Variants in AGAP1 observed in about 807,000 individuals in gnomAD.
AGAP1 encodes the protein ArfGAP with GTPase domain, ankyrin repeat and PH domain 1.
Under a neutral mutation model 105.3 loss-of-function variants are expected in AGAP1, and 29 were observed. The observed-to-expected ratio is 0.28, with a 90% CI of 0.21 to 0.38. The LOEUF is 0.38. AGAP1 is among the 10% of genes least tolerant of loss of function. The pLI is 1.00. For synonymous variants in AGAP1, 509 were observed against 485.9 expected, an observed-to-expected ratio of 1.05 and a Z score of -0.63; for missense variants, 998 against 1,165.1, an observed-to-expected ratio of 0.86 and a Z score of 2.09.
At chr2:236,116,007 G>C (rs1489392353) in intron 16 of AGAP1, among the ~76,000 whole-genome samples, 2 of 152,128 alleles carry the variant, frequency 1.3e-5, no homozygotes, top group Non-Finnish European at 2.9e-5. Flanking sequence ...TTTTCACTAT[G>C]TTGGCCAGGC....
chr2:235,810,688 T>C (rs538946735), intron 9 of AGAP1, among the ~76,000 whole-genome samples: 2 of 152,306 alleles, frequency 1.3e-5, no homozygotes, highest in African/African-American at 2.4e-5. Context: ...GTTGTCTCTT[T>C]CTTCTTTCTC....
intron 6 of AGAP1, among the ~76,000 whole-genome samples, chr2:235,773,216 G>T (rs2696413): frequency 0.24 from 36,218 of 152,072 alleles, 4,922 homozygotes; most frequent in Admixed American, 0.39. Context: ...TTTCCCATTG[G>T]CCATTTGGTG....
In AGAP1 at chr2:235,705,950, G is replaced by T. The variant is rs1264206640; in HGVS notation, c.164-3229G>T. ...GTTGAAAAATCAGCAGTGCATTGATGAATAGAGCTCATTTTAATTCACAGT... is the reference window on the plus strand; with the variant it reads ...GTTGAAAAATCAGCAGTGCATTGATTAATAGAGCTCATTTTAATTCACAGT... On this transcript the variant is annotated intron_variant, in intron 1 of 17. Coordinates refer to ENST00000304032, the MANE Select transcript of AGAP1 (RefSeq NM_001037131.3). The surrounding 1 kb of genome is among the most constrained non-coding windows in gnomAD (Gnocchi z 4.9). Among the ~76,000 whole-genome samples, 1 of 152,168 alleles carries T rather than the reference G, an allele frequency of 6.6e-6. No homozygotes were observed. Among genetic ancestry groups the T allele is most frequent in the Non-Finnish European group, 1.5e-5 (1 of 68,038 alleles).
In AGAP1 at chr2:235,960,926, C is replaced by T. The variant is rs1361151542; in HGVS notation, c.1484-7536C>T. Among the ~76,000 whole-genome samples, 3 of 152,166 alleles carry T rather than the reference C, an allele frequency of 2.0e-5. No individual in the cohort carries two copies. Among genetic ancestry groups the T allele is most frequent in the East Asian group, 1.9e-4 (1 of 5,186 alleles). On this transcript the variant is annotated intron_variant, in intron 12 of 17. Transcript: ENST00000304032. The surrounding 1 kb of genome is among the most constrained non-coding windows in gnomAD (Gnocchi z 4.9). ...CTTGTGGCTGGTTTTAAAACTAAGT[C>T]GCGAAATTGATACACTGCTGTGTGA... is the stretch of plus-strand genomic sequence containing the variant.
At chr2:235,746,742 C>T (rs1039348367) in intron 5 of AGAP1, among the ~76,000 whole-genome samples, 2 of 152,022 alleles carry the variant, frequency 1.3e-5, no homozygotes, top group African/African-American at 4.8e-5. Context: ...CAGGGTCCTT[C>T]GGGGCTGTGT....
rs958331155 is a variant in AGAP1 at position 236,101,662 on chromosome 2, A to G, written c.2115-18530A>G. The stretch of plus-strand genomic sequence containing the variant: ...GCCATTTCTCTTCCCTTATCTGTTT[A>G]TGATGCGATATGTTCCAAAGCCGAT... On this transcript the variant is annotated intron_variant, in intron 16 of 17. Coordinates refer to ENST00000304032, the MANE Select transcript of AGAP1 (RefSeq NM_001037131.3). The surrounding 1 kb of genome is among the most constrained non-coding windows in gnomAD (Gnocchi z 4.9). 1.3e-5 allele frequency among the ~76,000 whole-genome samples: 2 copies of G among 152,140 alleles called. No individual in the cohort carries two copies. Among genetic ancestry groups the G allele is most frequent in the African/African-American group, 4.8e-5 (2 of 41,434 alleles).
In AGAP1 at chr2:235,951,063, G is replaced by T. The variant is rs147529389; in HGVS notation, c.1484-17399G>T. Among the ~76,000 whole-genome samples, 456 of 152,182 alleles carry T rather than the reference G, an allele frequency of 3.0e-3. 4 individuals carry two copies. The highest frequency in any genetic ancestry group is 0.01 in the African/African-American group (420 of 41,540). ...GTGAATTACTCATAGTTTTCTGCTGGAAGTAAATTTAATTCTAGTTTTTAA... is the reference window on the plus strand; with the variant it reads ...GTGAATTACTCATAGTTTTCTGCTGTAAGTAAATTTAATTCTAGTTTTTAA... On this transcript the variant is annotated intron_variant, in intron 12 of 17. Transcript: ENST00000304032. This position sits in a 1 kb window ranked among gnomAD's most constrained non-coding sequence, Gnocchi z 4.2.
rs150999156 is a variant in AGAP1 at position 235,835,104 on chromosome 2, G to T, written c.1050+27773G>T. Among the ~76,000 whole-genome samples, 85 of 152,282 alleles carry T rather than the reference G, an allele frequency of 5.6e-4. No individual in the cohort carries two copies. In the East Asian group the frequency reaches 0.015, roughly 27 times the overall value. ...TACTTTTGCTCTCCCCGATTGCACA[G>T]TAGCCTCACTGGATGGACAGGTGCC... On this transcript the variant is annotated intron_variant, in intron 9 of 17. Transcript: ENST00000304032.
chr2:235,734,874 C>T lies in AGAP1; in HGVS notation c.311-6089C>T, dbSNP rs746986933. ...CTGGATTGGAGTCTTGGTCCTGCCG[C>T]GTGCTGGCCGTGGAGCTCTTGCTCT... On this transcript the variant is annotated intron_variant, in intron 3 of 17. Transcript: ENST00000304032. The surrounding 1 kb of genome is among the most constrained non-coding windows in gnomAD (Gnocchi z 5.3). 2.0e-5 allele frequency among the ~76,000 whole-genome samples: 3 copies of T among 152,240 alleles called. No individual in the cohort carries two copies. The highest frequency in any genetic ancestry group is 4.8e-5 in the African/African-American group (2 of 41,462).
At chr2:235,593,416 T>C (rs900104458) in intron 1 of AGAP1, among the ~76,000 whole-genome samples, 3 of 148,696 alleles carry the variant, frequency 2.0e-5, no homozygotes, top group Non-Finnish European at 2.9e-5. Context: ...TTTTTTTGGG[T>C]GGGGAGGACA....
intron 13 of AGAP1, among the ~76,000 whole-genome samples, chr2:236,025,469 T>C (rs1373639909): frequency 6.6e-6 from 1 of 152,188 alleles, no homozygotes; most frequent in African/African-American, 2.4e-5. Context: ...AAAATTCTTC[T>C]TTGAACCTTA....
rs1315119330 is a variant in AGAP1 at position 235,810,733 on chromosome 2, T to C, written c.1050+3402T>C. On this transcript the variant is annotated intron_variant, in intron 9 of 17. Transcript: ENST00000304032. ...GATTCCCCATCAAGAATATGACTTATTTTCTGGACTATAACTTCATTTCTT... is the reference window on the plus strand; with the variant it reads ...GATTCCCCATCAAGAATATGACTTACTTTCTGGACTATAACTTCATTTCTT... Among the ~76,000 whole-genome samples, 3 of 152,176 alleles carry C rather than the reference T, an allele frequency of 2.0e-5. No individual in the cohort carries two copies. In the East Asian group the frequency reaches 5.8e-4, roughly 29 times the overall value.
chr2:235,624,821 A>G (rs1161121689), intron 1 of AGAP1, among the ~76,000 whole-genome samples: 2 of 152,142 alleles, frequency 1.3e-5, no homozygotes, highest in African/African-American at 4.8e-5. Context: ...GTTCAGCACC[A>G]TCCCCTTGGT....
chr2:236,006,838 G>T (rs1008165588), intron 13 of AGAP1, among the ~76,000 whole-genome samples: 2 of 152,160 alleles, frequency 1.3e-5, no homozygotes, highest in Non-Finnish European at 2.9e-5. Context: ...CTTTGCTTCT[G>T]CCATAATGTT....
intron 9 of AGAP1, among the ~76,000 whole-genome samples, chr2:235,853,393 A>T (rs1171999992): frequency 6.6e-6 from 1 of 152,210 alleles, no homozygotes; most frequent in Non-Finnish European, 1.5e-5. Flanking sequence ...TTGTGATTTT[A>T]GTTGTTCCTT....
rs1269521330 is a variant in AGAP1, at chr2:235,816,233, C to G, written c.1050+8902C>G. Among the ~76,000 whole-genome samples the G allele has an allele frequency of 2.0e-5, 3 of 151,456 alleles. No homozygotes were observed. In the South Asian group the frequency reaches 6.3e-4, roughly 32 times the overall value. ...TGGGTGGATCGCGAGGTCAGGAGAT[C>G]GAGACCATCCTGACTAACATGGTAA... On this transcript the variant is annotated intron_variant, in intron 9 of 17. Coordinates refer to ENST00000304032, the MANE Select transcript of AGAP1 (RefSeq NM_001037131.3).
intron 13 of AGAP1, among the ~76,000 whole-genome samples, chr2:235,995,735 T>C (rs1309589356): frequency 6.6e-6 from 1 of 152,130 alleles, no homozygotes; most frequent in East Asian, 1.9e-4. Context: ...GAGGATTCCA[T>C]CTCTCTGTCT....
chr2:235,536,938 T>TGTGGGCAGGTGCAGGAGCC (rs1943257684), intron 1 of AGAP1, among the ~76,000 whole-genome samples: 1 of 152,188 alleles, frequency 6.6e-6, no homozygotes, highest in Non-Finnish European at 1.5e-5. Context: ...AGTTCTCTGC[T>TGTGGGCAGGTGCAGGAGCC]GTGGGCAGGT....
At chr2:236,103,083 C>T (rs933177219) in intron 16 of AGAP1, among the ~76,000 whole-genome samples, 6 of 149,224 alleles carry the variant, frequency 4.0e-5, no homozygotes, top group Non-Finnish European at 5.9e-5. Context: ...GCATTCTGAC[C>T]GTGACTCCCA....
Sources: gnomAD v4.1 joint callset for allele counts (sites outside exome capture counted in the v4.1 genomes callset) on GRCh38, gnomAD v4.1.1 for gene constraint, Gnocchi (gnomAD v3.1) non-coding constraint, MANE v1.5 for transcripts, NCBI Gene and HGNC (gene_info 2026-07-23, HGNC 2026-07-21) for gene names.